SKAP1: variants seen among roughly 807,000 people sequenced by gnomAD.
The protein encoded by SKAP1 is src kinase associated phosphoprotein 1, also known as src kinase-associated phosphoprotein 1.
SKAP1 carries 44 observed loss-of-function variants against 58.5 expected under a neutral mutation model. The observed-to-expected ratio is 0.75, with a 90% confidence interval of 0.59 to 0.97. The LOEUF is 0.97. SKAP1 is among the 50% of genes least tolerant of loss of function. The pLI is 0.00. For missense variants in SKAP1, 390 were observed against 435.2 expected (o/e 0.90, Z 0.92); for synonymous variants, 127 against 149.7 (o/e 0.85, Z 1.11).
intron 4 of SKAP1, among the ~76,000 whole-genome samples, chr17:48,279,505 T>G (rs1351323187): frequency 6.6e-6 from 1 of 152,158 alleles, no homozygotes; most frequent in Non-Finnish European, 1.5e-5. Flanking sequence ...AAAAATCTAC[T>G]GGAAATTTTA....
At chr17:48,336,590 A>C (rs1372952493) in intron 4 of SKAP1, among the ~76,000 whole-genome samples, 1 of 152,154 alleles carries the variant, frequency 6.6e-6, no homozygotes, top group Non-Finnish European at 1.5e-5. Flanking sequence ...GCCTGAAACT[A>C]AGGAAGGAAA....
At chr17:48,423,331 G>A (rs958066894) in intron 1 of SKAP1, among the ~76,000 whole-genome samples, 10 of 152,156 alleles carry the variant, frequency 6.6e-5, no homozygotes, top group Non-Finnish European at 2.9e-5. Context: ...CTTAGTTGAG[G>A]GGAGGTTGAA....
intron 11 of SKAP1, among the ~76,000 whole-genome samples, chr17:48,149,361 AGT>A (rs1164888916): frequency 6.6e-6 from 1 of 152,196 alleles, no homozygotes; most frequent in African/African-American, 2.4e-5. Context: ...AGGGATGACA[AGT>A]CACCATGTTC....
At chr17:48,332,945 G>A (rs2066524766) in intron 4 of SKAP1, among the ~76,000 whole-genome samples, 1 of 152,074 alleles carries the variant, frequency 6.6e-6, no homozygotes, top group Admixed American at 6.6e-5. Flanking sequence ...GTGATAACAT[G>A]GGTAAGAGTT....
In SKAP1 at chr17:48,430,204, G is replaced by C; in HGVS notation, c.-84C>G. ...CTGGAAGGCGACCCGGCTGCACCGCGAGGCACCTGTACCTCAGCCGCGGTC... is the reference window on the plus strand; with the variant it reads ...CTGGAAGGCGACCCGGCTGCACCGCCAGGCACCTGTACCTCAGCCGCGGTC... On this transcript the variant is annotated 5_prime_UTR_variant, in exon 1 of 13. Transcript: ENST00000336915. 1 of 1,137,288 alleles carries C rather than the reference G, an allele frequency of 8.8e-7. No homozygotes were observed. The highest frequency in any genetic ancestry group is 1.1e-6 in the Non-Finnish European group (1 of 896,576). 70.4% of individuals were successfully genotyped at this position (1,137,288 alleles called of 1,614,324 possible). A position where few individuals can be genotyped will look rare whatever the true frequency, so the allele number is the denominator to read the frequency against.
At chr17:48,200,386 T>TTTC (rs1567817924) in intron 4 of SKAP1, among the ~76,000 whole-genome samples, 7 of 151,690 alleles carry the variant, frequency 4.6e-5, no homozygotes, top group East Asian at 3.9e-4. Flanking sequence ...TTCTTTCTTT[T>TTTC]TTTTTTTGAG....
chr17:48,420,983 T>C (rs1388916167), intron 1 of SKAP1, among the ~76,000 whole-genome samples: 1 of 152,140 alleles, frequency 6.6e-6, no homozygotes, highest in Non-Finnish European at 1.5e-5. Flanking sequence ...GGTTTGGGCC[T>C]ACACAACCCA....
chr17:48,421,468 TA>T (rs1431337921), intron 1 of SKAP1, among the ~76,000 whole-genome samples: 4 of 151,956 alleles, frequency 2.6e-5, no homozygotes, highest in Admixed American at 2.6e-4. Flanking sequence ...CATACCTGGA[TA>T]ATTTTTTGTA....
At chr17:48,322,062 C>T (rs2066374576) in intron 4 of SKAP1, among the ~76,000 whole-genome samples, 1 of 152,182 alleles carries the variant, frequency 6.6e-6, no homozygotes, top group Admixed American at 6.5e-5. Context: ...AGTTCATTAT[C>T]TGCCTGGCAT....
intron 1 of SKAP1, among the ~76,000 whole-genome samples, chr17:48,398,370 C>G (rs2067448273): frequency 6.6e-6 from 1 of 151,944 alleles, no homozygotes; most frequent in South Asian, 2.1e-4. Context: ...CCTGTCACTC[C>G]CAGATGGGAC....
intron 4 of SKAP1, among the ~76,000 whole-genome samples, chr17:48,218,473 A>G (rs1040592262): frequency 3.2e-4 from 49 of 152,244 alleles, no homozygotes; most frequent in African/African-American, 1.1e-3. Flanking sequence ...ATAATTTCAT[A>G]AACACTATGG....
intron 4 of SKAP1, among the ~76,000 whole-genome samples, chr17:48,257,099 A>G (rs1488238427): frequency 2.0e-5 from 3 of 152,132 alleles, no homozygotes; most frequent in African/African-American, 7.2e-5. Flanking sequence ...TCACAACTGT[A>G]TGAGAGCCTA....
chr17:48,145,196 C>A (rs1365201140), intron 11 of SKAP1, among the ~76,000 whole-genome samples: 5 of 152,256 alleles, frequency 3.3e-5, no homozygotes, highest in Non-Finnish European at 5.9e-5. Flanking sequence ...TCTCTCAATA[C>A]CAACCTTGCC....
At chr17:48,381,159 G>A (rs150637823) in intron 2 of SKAP1, among the ~76,000 whole-genome samples, 34 of 152,256 alleles carry the variant, frequency 2.2e-4, no homozygotes, top group Admixed American at 1.2e-3. Flanking sequence ...CAGCCCTTGT[G>A]CCAAAGACCC....
intron 4 of SKAP1, among the ~76,000 whole-genome samples, chr17:48,231,351 A>G (rs2065124013): frequency 6.6e-6 from 1 of 152,198 alleles, no homozygotes; most frequent in African/African-American, 2.4e-5. Flanking sequence ...AAAACAGCTA[A>G]TAATGTGTAG....
At chr17:48,366,827 C>T (rs1042123827) in intron 2 of SKAP1, among the ~76,000 whole-genome samples, 3 of 152,052 alleles carry the variant, frequency 2.0e-5, no homozygotes, top group African/African-American at 4.8e-5. Flanking sequence ...AATTAGGGTT[C>T]GAGTATGTGC....
chr17:48,135,160 C>T (rs1185798206), intron 12 of SKAP1, among the ~76,000 whole-genome samples: 2 of 152,148 alleles, frequency 1.3e-5, no homozygotes, highest in African/African-American at 4.8e-5. Context: ...AAGATCTATC[C>T]TTATGTATTT....
chr17:48,180,211 C>T lies in SKAP1; in HGVS notation c.669G>A (p.Glu223=), dbSNP rs986461444. The T allele has an allele frequency of 4.4e-6, 7 of 1,606,752 alleles. No homozygotes were observed. The highest frequency in any genetic ancestry group is 1.7e-5 in the Admixed American group (1 of 58,882). Residue 223 remains glutamate (E), a synonymous_variant, in exon 9 of 13, where the codon GAG becomes GAA. Transcript: ENST00000336915. ...ATGTCTCTTCTTTTTCTTCTTCCTC[C>T]TCATCCTCTTCATATGGAATGGTTA... ...SSLTIPYEED[E]EEEEKEETYD...
intron 9 of SKAP1, among the ~76,000 whole-genome samples, chr17:48,175,353 A>T (rs1265597051): frequency 6.6e-6 from 1 of 152,250 alleles, no homozygotes; most frequent in Admixed American, 6.5e-5. Context: ...AGAAATACAG[A>T]TAGACTCAAG....
Sources: gnomAD v4.1 joint callset for allele counts (sites outside exome capture counted in the v4.1 genomes callset) on GRCh38, gnomAD v4.1.1 for gene constraint, MANE v1.5 for transcripts, NCBI Gene and HGNC (gene_info 2026-07-23, HGNC 2026-07-21) for gene names.